Variants in FAM117B observed in about 807,000 individuals in gnomAD.
FAM117B encodes the protein family with sequence similarity 117 member B.
In FAM117B, 22 loss-of-function variants were observed where a neutral mutation model predicts 52.8. That is an observed-to-expected ratio of 0.42 (90% CI 0.30 to 0.59). The LOEUF (loss-of-function observed/expected upper bound fraction) is 0.59, where lower values mean the gene tolerates loss of function less well. Ranked by LOEUF, FAM117B falls within the 20% of genes least tolerant of loss-of-function variation. The pLI is 0.22. For missense variants in FAM117B, 678 were observed against 802.6 expected, an observed-to-expected ratio of 0.84 and a Z score of 1.88; for synonymous variants, 309 against 324.1, an observed-to-expected ratio of 0.95 and a Z score of 0.50.
intron 1 of FAM117B, among the ~76,000 whole-genome samples, chr2:202,695,457 C>A (rs922026717): frequency 6.6e-6 from 1 of 152,138 alleles, no homozygotes; most frequent in East Asian, 1.9e-4. Context: ...GTTGTCTATG[C>A]TCCCTACCTG....
intron 4 of FAM117B, among the ~76,000 whole-genome samples, chr2:202,742,308 C>A (rs1691555343): frequency 6.6e-6 from 1 of 152,162 alleles, no homozygotes; most frequent in South Asian, 2.1e-4. Flanking sequence ...TACTATAAAG[C>A]CTTTACAAGT....
At chr2:202,714,209 C>CT (rs955438644) in intron 2 of FAM117B, among the ~76,000 whole-genome samples, 1 of 151,764 alleles carries the variant, frequency 6.6e-6, no homozygotes, top group African/African-American at 2.4e-5. Flanking sequence ...TGTGTTAAGA[C>CT]TTTTTTTTGT....
intron 4 of FAM117B, among the ~76,000 whole-genome samples, chr2:202,752,416 CT>C (rs57518801): frequency 0.055 from 7,499 of 136,616 alleles, 572 homozygotes; most frequent in African/African-American, 0.18. Context: ...TATGCTTTTT[CT>C]TTTTTTTTTT....
chr2:202,673,076 C>G (rs780963812), intron 1 of FAM117B, among the ~76,000 whole-genome samples: 1 of 152,076 alleles, frequency 6.6e-6, no homozygotes, highest in African/African-American at 2.4e-5. Context: ...ACTTAAAGTA[C>G]CTTTTGAAAT....
intron 1 of FAM117B, among the ~76,000 whole-genome samples, chr2:202,688,499 G>A (rs1362979743): frequency 6.6e-6 from 1 of 151,882 alleles, no homozygotes; most frequent in Non-Finnish European, 1.5e-5. Flanking sequence ...TTTCATAAAA[G>A]AAAAGGAAAC....
chr2:202,713,252 A>G (rs1690984288), intron 2 of FAM117B, among the ~76,000 whole-genome samples: 1 of 152,118 alleles, frequency 6.6e-6, no homozygotes, highest in African/African-American at 2.4e-5. Context: ...ATAGTTAAAT[A>G]TTGTTAGGTT....
At chr2:202,694,335 C>T (rs577635054) in intron 1 of FAM117B, among the ~76,000 whole-genome samples, 12 of 151,586 alleles carry the variant, frequency 7.9e-5, no homozygotes, top group Admixed American at 2.0e-4. Context: ...GGATTACAGG[C>T]GCCCGCCACC....
intron 4 of FAM117B, among the ~76,000 whole-genome samples, chr2:202,732,044 T>G (rs1223923572): frequency 1.3e-5 from 2 of 150,738 alleles, no homozygotes; most frequent in African/African-American, 2.5e-5. Flanking sequence ...CTATTTATTT[T>G]TCTTTTTTTT....
chr2:202,638,152 C>T (rs1001560156), intron 1 of FAM117B, among the ~76,000 whole-genome samples: 2 of 152,222 alleles, frequency 1.3e-5, no homozygotes, highest in Non-Finnish European at 2.9e-5. Context: ...GCTGGGATTA[C>T]AGGCATGAGC....
At chr2:202,685,246 A>T (rs546870987) in intron 1 of FAM117B, among the ~76,000 whole-genome samples, 1 of 152,204 alleles carries the variant, frequency 6.6e-6, no homozygotes, top group Non-Finnish European at 1.5e-5. Context: ...CTGCCTCCCA[A>T]AGTGCTAGGA....
intron 6 of FAM117B, 78 bp from the exon 7 acceptor site, chr2:202,759,155 T>C: frequency 6.5e-7 from 1 of 1,531,210 alleles, no homozygotes; most frequent in Middle Eastern, 1.8e-4. Context: ...AAGTAGTTCA[T>C]GGTGGGCTAG....
At chr2:202,763,690 T>C (rs1467791971) in intron 7 of FAM117B, among the ~76,000 whole-genome samples, 1 of 152,226 alleles carries the variant, frequency 6.6e-6, no homozygotes, top group East Asian at 1.9e-4. Context: ...TCAACTATTC[T>C]ACAAAGAATA....
chr2:202,746,426 A>C (rs1691634576), intron 4 of FAM117B, among the ~76,000 whole-genome samples: 1 of 152,160 alleles, frequency 6.6e-6, no homozygotes, highest in African/African-American at 2.4e-5. Context: ...ATGCAAGTAC[A>C]ACATACCAAA....
intron 4 of FAM117B, among the ~76,000 whole-genome samples, chr2:202,753,375 A>G (rs1305551662): frequency 6.6e-6 from 1 of 152,226 alleles, no homozygotes; most frequent in Non-Finnish European, 1.5e-5. Flanking sequence ...AAGATGGATT[A>G]AAGACTTAAA....
At position 202,765,710 on chromosome 2, in the gene FAM117B, G is replaced by T. The variant is rs746725640; in HGVS notation, c.1716G>T (p.Met572Ile). The change falls in exon 8 of 8, where the codon ATG becomes ATT. Residue 572 changes from methionine to isoleucine, a missense_variant. Around this residue, in one of 3 missense-constraint regions of FAM117B, gnomAD observed 68 missense variants for 80.6 expected, o/e 0.84. Coordinates refer to ENST00000392238, the MANE Select transcript of FAM117B (RefSeq NM_173511.4). ...DRVSRGTSTVMPSASLLPPPE... is the reference protein window; with the variant it reads ...DRVSRGTSTVIPSASLLPPPE... ...TCTCTCGAGGAACAAGTACAGTCATGCCATCAGCTTCTCTACTCCCACCAC... is the reference window on the plus strand; with the variant it reads ...TCTCTCGAGGAACAAGTACAGTCATTCCATCAGCTTCTCTACTCCCACCAC... The T allele has an allele frequency of 5.0e-5, 80 of 1,614,030 alleles. No homozygotes were observed. Among genetic ancestry groups the T allele is most frequent in the Non-Finnish European group, 6.5e-5 (77 of 1,180,026 alleles).
intron 1 of FAM117B, among the ~76,000 whole-genome samples, chr2:202,653,676 G>A (rs1299801584): frequency 3.3e-5 from 5 of 152,134 alleles, no homozygotes; most frequent in Admixed American, 2.0e-4. Flanking sequence ...AAATTCACAC[G>A]TTAATTGAAC....
At chr2:202,705,645 C>T (rs1390085682) in intron 2 of FAM117B, among the ~76,000 whole-genome samples, 1 of 152,224 alleles carries the variant, frequency 6.6e-6, no homozygotes, top group Non-Finnish European at 1.5e-5. Context: ...ATGTCACCAA[C>T]CTCTGCCCCC....
intron 4 of FAM117B, among the ~76,000 whole-genome samples, chr2:202,749,140 T>A (rs1391893841): frequency 6.6e-6 from 1 of 152,150 alleles, no homozygotes. Context: ...TATTTTACTA[T>A]TTGGTTTGGC....
At position 202,635,601 on chromosome 2, in the gene FAM117B, A is replaced by ACGGCCG; in HGVS notation, c.416_421dup (p.Arg139_Pro140dup). On this transcript the variant is annotated inframe_insertion, in exon 1 of 8. Coordinates refer to ENST00000392238, the MANE Select transcript of FAM117B (RefSeq NM_173511.4). The stretch of plus-strand genomic sequence containing the variant: ...CGCCTGGAGCTCGCGGGAGCCCCCC[A>ACGGCCG]CGGCCGCCGCCGCCGCCGCCGCTGC... 2.4e-6 allele frequency: 3 copies of ACGGCCG among 1,267,276 alleles called. No homozygotes were observed. The highest frequency in any genetic ancestry group is 2.6e-5 in the South Asian group (1 of 38,596). The allele number at this position is 1,267,276 out of a possible 1,614,324, so 78.5% of individuals were successfully genotyped here.
Sources: gnomAD v4.1 joint callset for allele counts (sites outside exome capture counted in the v4.1 genomes callset) on GRCh38, gnomAD v4.1.1 for gene constraint, gnomAD v4.1.1 regional missense constraint, MANE v1.5 for transcripts, NCBI Gene and HGNC (gene_info 2026-07-23, HGNC 2026-07-21) for gene names.